The following ITGA6 variants were observed in gnomAD, a reference collection of about 807,000 sequenced individuals.
The protein encoded by ITGA6 is integrin alpha-6.
ITGA6 carries 63 observed loss-of-function variants against 133.6 expected under a neutral mutation model. The ratio of observed to expected loss-of-function variants is 0.47; its 90% CI spans 0.38 to 0.58. The LOEUF is 0.58. Ranked by LOEUF, ITGA6 falls within the 20% of genes least tolerant of loss-of-function variation. The probability of loss-of-function intolerance (pLI) is 0.00; values close to 1 mark genes in which losing one functional copy is unlikely to be tolerated. For synonymous variants in ITGA6, 434 were observed against 482.0 expected, an observed-to-expected ratio of 0.90 and a Z score of 1.30; for missense variants, 1,068 against 1,309.4, an observed-to-expected ratio of 0.82 and a Z score of 2.85.
Position 172,484,867 on chromosome 2 carries a change from G to A in ITGA6, c.1635G>A (p.Glu545=), listed in dbSNP as rs759525044. The A allele has an allele frequency of 1.7e-5, 27 of 1,614,018 alleles. No homozygotes were observed. In the Middle Eastern group the frequency reaches 9.9e-4, roughly 59 times the overall value. The change falls in exon 12 of 26, where the codon GAG becomes GAA. Residue 545 remains glutamate, a synonymous_variant. Coordinates refer to ENST00000684293, the MANE Select transcript of ITGA6 (RefSeq NM_000210.4). The part of the protein sequence containing the change: ...SRVQFRNQGS[E]PKYTQELTLK... ...TTCAGTTTCGAAACCAAGGTTCTGAGCCCAAATATACTCAAGAACTAACTC... is the reference window on the plus strand; with the variant it reads ...TTCAGTTTCGAAACCAAGGTTCTGAACCCAAATATACTCAAGAACTAACTC...
intron 1 of ITGA6, among the ~76,000 whole-genome samples, chr2:172,438,618 GT>G (rs1684418778): frequency 6.6e-6 from 1 of 151,796 alleles, no homozygotes; most frequent in African/African-American, 2.4e-5. Context: ...ACCTCAGAGG[GT>G]TGTGAACATT....
intron 1 of ITGA6, among the ~76,000 whole-genome samples, chr2:172,457,295 C>CAAAAAAAAAAAAAAA (rs71403305): frequency 2.5e-5 from 2 of 79,352 alleles, no homozygotes; most frequent in Admixed American, 1.5e-4. Flanking sequence ...ATTCTGTCTC[C>CAAAAAAAAAAAAAAA]AAAAAAAAAA....
At chr2:172,445,651 TTAAAAAAAAA>T (rs1684735438) in intron 1 of ITGA6, among the ~76,000 whole-genome samples, 1 of 145,628 alleles carries the variant, frequency 6.9e-6, no homozygotes, top group African/African-American at 2.5e-5. Flanking sequence ...TCCGTCTTTT[TTAAAAAAAAA>T]AAAAAGAAAA....
rs368628716 is a variant in ITGA6 at position 172,474,284 on chromosome 2, A to G, written c.986+19A>G. 8.2e-5 allele frequency: 131 copies of G among 1,601,050 alleles called. No homozygotes were observed. The highest frequency in any genetic ancestry group is 1.1e-4 in the Non-Finnish European group (126 of 1,168,548). Reference sequence around the variant, plus strand: ...AGGATGGGTGAGAAAGCCTCAGGTTATATTATGCTGCAAATCATTTCTGCT... The same window carrying G: ...AGGATGGGTGAGAAAGCCTCAGGTTGTATTATGCTGCAAATCATTTCTGCT... On this transcript the variant is annotated intron_variant, in intron 6 of 25. Coordinates refer to ENST00000684293, the MANE Select transcript of ITGA6 (RefSeq NM_000210.4).
At chr2:172,478,578 G>C (rs1191530082) in intron 9 of ITGA6, among the ~76,000 whole-genome samples, 1 of 152,230 alleles carries the variant, frequency 6.6e-6, no homozygotes, top group Non-Finnish European at 1.5e-5. Flanking sequence ...GACCCCTGTG[G>C]CTGCTGGGAG....
chr2:172,490,855 G>C, intron 20 of ITGA6, 169 bp from the exon 21 acceptor site: 1 of 604,358 alleles, frequency 1.7e-6, no homozygotes, highest in Non-Finnish European at 3.0e-6. Context: ...AATTTAGAGT[G>C]ATAATACTTG....
chr2:172,474,493 T>A (rs1205703225), intron 6 of ITGA6, among the ~76,000 whole-genome samples: 1 of 149,578 alleles, frequency 6.7e-6, no homozygotes, highest in African/African-American at 2.4e-5. Context: ...TACTTATATG[T>A]TGGGATCATG....
At chr2:172,461,658 A>C (rs995081926) in intron 1 of ITGA6, among the ~76,000 whole-genome samples, 23 of 152,186 alleles carry the variant, frequency 1.5e-4, no homozygotes, top group African/African-American at 4.6e-4. Context: ...CCCAGAGAGT[A>C]CCTGCTTTTC....
Position 172,465,680 on chromosome 2 carries a change from C to CA in ITGA6, c.307+18dup. 2 of 1,614,118 alleles carry CA rather than the reference C, an allele frequency of 1.2e-6. No individual in the cohort carries two copies. Among genetic ancestry groups the CA allele is most frequent in the Non-Finnish European group, 1.7e-6 (2 of 1,179,938 alleles). Reference sequence around the variant, plus strand: ...ATAACGATGGTGCGTTCCTTTCCCTCACTCAGCGTTCACTCCGGCAGCTTG... The same window carrying CA: ...ATAACGATGGTGCGTTCCTTTCCCTCAACTCAGCGTTCACTCCGGCAGCTTG... On this transcript the variant is annotated intron_variant, in intron 2 of 25. Transcript: ENST00000684293.
intron 1 of ITGA6, among the ~76,000 whole-genome samples, chr2:172,435,038 G>A (rs888294010): frequency 3.4e-5 from 5 of 147,508 alleles, no homozygotes; most frequent in African/African-American, 1.3e-4. Flanking sequence ...GTGTGTGTGT[G>A]TGTGTGTGTG....
At chr2:172,488,981 G>A (rs1408190754) in intron 19 of ITGA6, among the ~76,000 whole-genome samples, 2 of 152,144 alleles carry the variant, frequency 1.3e-5, no homozygotes, top group African/African-American at 4.8e-5. Flanking sequence ...GCCGCAGGAC[G>A]TCACTCTGTT....
intron 4 of ITGA6, among the ~76,000 whole-genome samples, chr2:172,470,150 A>C (rs1478186968): frequency 3.3e-5 from 5 of 152,152 alleles, no homozygotes; most frequent in Admixed American, 3.3e-4. Context: ...AACTTAGGAA[A>C]ATGGTCCCTT....
intron 5 of ITGA6, among the ~76,000 whole-genome samples, chr2:172,473,317 T>G (rs11898288): frequency 0.53 from 80,496 of 151,938 alleles, 22,900 homozygotes; most frequent in East Asian, 0.87. Flanking sequence ...TTATAATGGG[T>G]GTGTCCTAAT....
At chr2:172,437,650 T>C (rs1204435636) in intron 1 of ITGA6, among the ~76,000 whole-genome samples, 1 of 152,076 alleles carries the variant, frequency 6.6e-6, no homozygotes, top group Non-Finnish European at 1.5e-5. Context: ...ATTAAAAAAA[T>C]TGAATTTAAA....
intron 11 of ITGA6, among the ~76,000 whole-genome samples, chr2:172,483,055 G>A (rs1206415450): frequency 6.6e-6 from 1 of 152,170 alleles, no homozygotes; most frequent in African/African-American, 2.4e-5. Flanking sequence ...CAGCGTAGTG[G>A]GCTTAAATGT....
chr2:172,466,006 C>G, intron 2 of ITGA6: 1 of 370,774 alleles, frequency 2.7e-6, no homozygotes, highest in Non-Finnish European at 5.1e-6. Flanking sequence ...ATTCATCAGC[C>G]AAAAGTTCTC....
chr2:172,465,789 A>G, intron 2 of ITGA6, 126 bp downstream of exon 2: 2 of 1,301,888 alleles, frequency 1.5e-6, no homozygotes. Context: ...ATCAGACTTG[A>G]CTGTTTTTTA....
intron 10 of ITGA6, 101 bp from the exon 11 acceptor site, chr2:172,479,889 C>G: frequency 9.6e-7 from 1 of 1,045,074 alleles, no homozygotes; most frequent in Non-Finnish European, 1.5e-6. Context: ...ACATGTTGAT[C>G]ATCAATGGGC....
At position 172,432,022 on chromosome 2, in the gene ITGA6, C is replaced by G. The variant is rs534507719; in HGVS notation, c.182+4052C>G. 9.9e-5 allele frequency among the ~76,000 whole-genome samples: 15 copies of G among 152,186 alleles called. No homozygotes were observed. In the East Asian group the frequency reaches 2.9e-3, roughly 29 times the overall value. On this transcript the variant is annotated intron_variant, in intron 1 of 25. Transcript: ENST00000684293. Reference sequence around the variant, plus strand: ...TTTAAGCTTTCATAACCAAATAGTACCAGAATTATGGCGCATGGTTTCCTG... The same window carrying G: ...TTTAAGCTTTCATAACCAAATAGTAGCAGAATTATGGCGCATGGTTTCCTG...
Sources: allele counts gnomAD v4.1 joint callset (sites outside exome capture counted in the v4.1 genomes callset), GRCh38; gene constraint gnomAD v4.1.1; transcripts MANE v1.5; gene names NCBI Gene and HGNC (gene_info 2026-07-23, HGNC 2026-07-21).